SMARCD3: variants seen among roughly 807,000 people sequenced by gnomAD.
The protein encoded by SMARCD3 is SWI/SNF related BAF chromatin remodeling complex subunit D3.
Under a neutral mutation model 58.0 loss-of-function variants are expected in SMARCD3, and 14 were observed. The observed-to-expected ratio is 0.24, with a 90% CI of 0.16 to 0.38. The LOEUF is 0.38. Ranked by LOEUF, SMARCD3 falls within the 10% of genes least tolerant of loss-of-function variation. The pLI is 1.00. For missense variants in SMARCD3, 408 were observed against 636.9 expected, an observed-to-expected ratio of 0.64 and a Z score of 3.87; for synonymous variants, 253 against 253.8, an observed-to-expected ratio of 1.00 and a Z score of 0.03.
In SMARCD3 at chr7:151,239,367, G is replaced by A; in HGVS notation, c.1398+29C>T. On this transcript the variant is annotated intron_variant, in intron 12 of 12. Coordinates refer to ENST00000262188, the MANE Select transcript of SMARCD3 (RefSeq NM_001003801.2). The surrounding 1 kb of genome is among the most constrained non-coding windows in gnomAD (Gnocchi z 7.0). ...GGTTTCTCTTGGAGTTGAGGATGGG[G>A]AAGCCTCAGGGCAAGGGTCCCTGCA... 6.4e-7 allele frequency: 1 copy of A among 1,560,054 alleles called. No homozygotes were observed. Among genetic ancestry groups the A allele is most frequent in the Non-Finnish European group, 8.8e-7 (1 of 1,131,526 alleles).
At position 151,240,262 on chromosome 7, in the gene SMARCD3, CAGCCCTT is replaced by C; in HGVS notation, c.1038-22_1038-16del. ...AAGGGTCCACGCTGCCAGGGAAGTC[CAGCCCTT>C]CGTGTCCACGATGCCCCCATACGGC... On this transcript the variant is annotated splice_polypyrimidine_tract_variant and intron_variant, in intron 9 of 12. Transcript: ENST00000262188. 6.2e-7 allele frequency: 1 copy of C among 1,608,824 alleles called. No individual in the cohort carries two copies. Among genetic ancestry groups the C allele is most frequent in the Non-Finnish European group, 8.5e-7 (1 of 1,178,796 alleles).
chr7:151,258,543 C>T (rs146629720), intron 2 of SMARCD3, among the ~76,000 whole-genome samples: 1,542 of 133,202 alleles, frequency 0.012, 21 homozygotes, highest in African/African-American at 0.041. Flanking sequence ...CCAGCCTGGG[C>T]AACAGAGTGA....
At chr7:151,263,051 C>T (rs1328262726) in intron 2 of SMARCD3, among the ~76,000 whole-genome samples, 2 of 152,086 alleles carry the variant, frequency 1.3e-5, no homozygotes, top group East Asian at 1.9e-4. Context: ...CCCTACCTTG[C>T]GAGTAAAATC....
chr7:151,241,834 G>A lies in SMARCD3; in HGVS notation c.777+43C>T. 6.5e-7 allele frequency: 1 copy of A among 1,539,996 alleles called. No homozygotes were observed. Among genetic ancestry groups the A allele is most frequent in the East Asian group, 2.3e-5 (1 of 43,606 alleles). On this transcript the variant is annotated intron_variant, in intron 7 of 12. Coordinates refer to ENST00000262188, the MANE Select transcript of SMARCD3 (RefSeq NM_001003801.2). The surrounding 1 kb of genome is among the most constrained non-coding windows in gnomAD (Gnocchi z 5.3). ...ACTTTGGGACCTAGCCCTGCCCTGA[G>A]GGCCTTGTGTGGCGTGTACGGGGCA... is the stretch of plus-strand genomic sequence containing the variant.
At chr7:151,256,180 C>CT (rs79100193) in intron 2 of SMARCD3, among the ~76,000 whole-genome samples, 3,071 of 141,152 alleles carry the variant, frequency 0.022, 49 homozygotes, top group African/African-American at 0.043. Context: ...CTGCGCCTGG[C>CT]TTTTTTTTTT....
chr7:151,271,199 C>T (rs1374860446), intron 2 of SMARCD3, among the ~76,000 whole-genome samples: 1 of 152,190 alleles, frequency 6.6e-6, no homozygotes, highest in Non-Finnish European at 1.5e-5. Flanking sequence ...CCTGCACCAG[C>T]CGCACAATCC....
intron 2 of SMARCD3, among the ~76,000 whole-genome samples, chr7:151,258,563 T>TAAA (rs71196743): frequency 1.7e-5 from 2 of 117,012 alleles, no homozygotes; most frequent in Non-Finnish European, 1.8e-5. Context: ...AGACTCTGCC[T>TAAA]AAAAAAAAAA....
At chr7:151,266,606 G>A (rs367649267) in intron 2 of SMARCD3, among the ~76,000 whole-genome samples, 16 of 152,292 alleles carry the variant, frequency 1.1e-4, no homozygotes, top group East Asian at 5.8e-4. Flanking sequence ...TTGGGGCTTC[G>A]TCTTTCTTCA....
intron 2 of SMARCD3, among the ~76,000 whole-genome samples, chr7:151,255,067 C>T (rs1803657033): frequency 6.6e-6 from 1 of 152,104 alleles, no homozygotes; most frequent in African/African-American, 2.4e-5. Context: ...CACCACGGGG[C>T]CAGGGGAGCC....
At position 151,243,546 on chromosome 7, in the gene SMARCD3, A is replaced by C; in HGVS notation, c.333+113T>G. 1 of 724,766 alleles carries C rather than the reference A, an allele frequency of 1.4e-6. No individual in the cohort carries two copies. The highest frequency in any genetic ancestry group is 2.5e-6 in the Non-Finnish European group (1 of 403,814). 44.9% of individuals were successfully genotyped at this position (724,766 alleles called of 1,614,324 possible). ...GCCTCACTTATTAATGAGCTTTTTTAAACAAAAAGTGAAAGTGACTGTGAT... is the reference window on the plus strand; with the variant it reads ...GCCTCACTTATTAATGAGCTTTTTTCAACAAAAAGTGAAAGTGACTGTGAT... On this transcript the variant is annotated intron_variant, in intron 3 of 12. Transcript: ENST00000262188. This position sits in a 1 kb window ranked among gnomAD's most constrained non-coding sequence, Gnocchi z 4.4.
intron 2 of SMARCD3, among the ~76,000 whole-genome samples, chr7:151,258,054 C>G (rs1036110238): frequency 1.3e-5 from 2 of 152,208 alleles, no homozygotes; most frequent in African/African-American, 4.8e-5. Flanking sequence ...CTCCTTCCAG[C>G]TGCCCAGGCC....
intron 2 of SMARCD3, among the ~76,000 whole-genome samples, chr7:151,271,026 G>T (rs1383886317): frequency 6.6e-6 from 1 of 152,118 alleles, no homozygotes; most frequent in Non-Finnish European, 1.5e-5. Context: ...TTAGCAATGT[G>T]GCCCATCCAC....
chr7:151,257,635 ACT>A (rs1584886547), intron 2 of SMARCD3, among the ~76,000 whole-genome samples: 1 of 151,772 alleles, frequency 6.6e-6, no homozygotes, highest in South Asian at 2.1e-4. Context: ...AAGTCATAAC[ACT>A]CTGTCCTCTT....
At chr7:151,276,767 G>A (rs1345240067), upstream of SMARCD3, 1 of 135,206 alleles carries the variant, frequency 7.4e-6, no homozygotes, top group Non-Finnish European at 1.6e-5. Flanking sequence ...TAGGGAGGAG[G>A]GGAAGTGCCA....
chr7:151,240,382 G>T (rs375847569), intron 9 of SMARCD3, 43 bp downstream of exon 9: 1 of 1,583,404 alleles, frequency 6.3e-7, no homozygotes, highest in Non-Finnish European at 8.7e-7. Flanking sequence ...AGGCAGGAAC[G>T]AGATCATTCC....
chr7:151,259,785 T>C (rs1803857452), intron 2 of SMARCD3, among the ~76,000 whole-genome samples: 1 of 151,736 alleles, frequency 6.6e-6, no homozygotes, highest in Non-Finnish European at 1.5e-5. Context: ...AATTTTTGTG[T>C]TTTTAGTAGA....
chr7:151,248,856 C>T, upstream of SMARCD3: 1 of 212,350 alleles, frequency 4.7e-6, no homozygotes, highest in African/African-American at 2.3e-5. The surrounding 1 kb of genome is among the most constrained non-coding windows in gnomAD (Gnocchi z 6.1). Flanking sequence ...GGGGACGGGG[C>T]CGCCTGCCTT....
At chr7:151,257,692 C>T (rs1256107200) in intron 2 of SMARCD3, among the ~76,000 whole-genome samples, 2 of 152,162 alleles carry the variant, frequency 1.3e-5, no homozygotes, top group Non-Finnish European at 2.9e-5. Flanking sequence ...CCCCTCTTGG[C>T]TGACCTCTTG....
At chr7:151,255,938 TG>T (rs1394968902) in intron 2 of SMARCD3, among the ~76,000 whole-genome samples, 1 of 151,934 alleles carries the variant, frequency 6.6e-6, no homozygotes, top group Non-Finnish European at 1.5e-5. Flanking sequence ...TGGAGTGCAG[TG>T]GCGCGATCTC....
Sources: allele counts gnomAD v4.1 joint callset (sites outside exome capture counted in the v4.1 genomes callset), GRCh38; gene constraint gnomAD v4.1.1; non-coding constraint Gnocchi (gnomAD v3.1); transcripts MANE v1.5; gene names NCBI Gene and HGNC (gene_info 2026-07-23, HGNC 2026-07-21).